Variants in CAMK1D observed in about 807,000 individuals in gnomAD.
CAMK1D encodes the protein calcium/calmodulin dependent protein kinase ID.
CAMK1D carries 9 observed loss-of-function variants against 47.7 expected under a neutral mutation model. That is an observed-to-expected ratio of 0.19 (90% CI 0.11 to 0.33). The LOEUF is 0.33. Ranked by LOEUF, CAMK1D falls within the 10% of genes least tolerant of loss-of-function variation. The probability of loss-of-function intolerance (pLI) is 1.00; values close to 1 mark genes in which losing one functional copy is unlikely to be tolerated. For synonymous variants in CAMK1D, 184 were observed against 184.9 expected (o/e 0.99, Z 0.04); for missense variants, 291 against 488.7 (o/e 0.60, Z 3.81).
intron 1 of CAMK1D, among the ~76,000 whole-genome samples, chr10:12,371,548 C>T (rs1319233226): frequency 2.7e-5 from 4 of 149,380 alleles, no homozygotes; most frequent in Admixed American, 2.7e-4. Flanking sequence ...TGCACTCCAG[C>T]CTGGGTGACA....
intron 2 of CAMK1D, among the ~76,000 whole-genome samples, chr10:12,573,719 T>A (rs962467729): frequency 6.6e-6 from 1 of 151,624 alleles, no homozygotes; most frequent in African/African-American, 2.4e-5. Flanking sequence ...AGTGGCCTGA[T>A]CTGGACTCAC....
At chr10:12,362,387 C>G (rs1442089960) in intron 1 of CAMK1D, among the ~76,000 whole-genome samples, 2 of 152,128 alleles carry the variant, frequency 1.3e-5, no homozygotes, top group Non-Finnish European at 1.5e-5. Context: ...GTTCCAGAAT[C>G]AACCTGCCGC....
intron 2 of CAMK1D, among the ~76,000 whole-genome samples, chr10:12,616,678 C>T (rs1006180457): frequency 1.4e-4 from 21 of 152,104 alleles, no homozygotes; most frequent in African/African-American, 5.1e-4. Flanking sequence ...CCACTAAGCC[C>T]GGCTAATTTT....
chr10:12,391,288 A>G (rs909460891), intron 1 of CAMK1D, among the ~76,000 whole-genome samples: 8 of 152,198 alleles, frequency 5.3e-5, no homozygotes, highest in African/African-American at 1.9e-4. Flanking sequence ...AATTGGAATC[A>G]CTATGTAAAT....
intron 5 of CAMK1D, among the ~76,000 whole-genome samples, chr10:12,778,074 C>T (rs1837341175): frequency 6.6e-6 from 1 of 152,212 alleles, no homozygotes; most frequent in Non-Finnish European, 1.5e-5. Context: ...TGAGGAAAAG[C>T]TTCCATTCCC....
At chr10:12,519,147 C>A (rs866177035) in intron 1 of CAMK1D, among the ~76,000 whole-genome samples, 1 of 81,020 alleles carries the variant, frequency 1.2e-5, no homozygotes, top group Non-Finnish European at 2.6e-5. Flanking sequence ...CCGGACAGGG[C>A]GGCTGGCCAG....
intron 2 of CAMK1D, among the ~76,000 whole-genome samples, chr10:12,572,796 A>G (rs1328678999): frequency 6.6e-6 from 1 of 152,002 alleles, no homozygotes; most frequent in East Asian, 1.9e-4. Context: ...TGCACGACTA[A>G]TTTTAAAATT....
intron 6 of CAMK1D, among the ~76,000 whole-genome samples, chr10:12,801,759 G>A (rs1218271390): frequency 6.6e-6 from 1 of 151,976 alleles, no homozygotes; most frequent in Non-Finnish European, 1.5e-5. Context: ...GTATATCTAT[G>A]TGTGTTTTAT....
chr10:12,536,525 C>T (rs887204260), intron 1 of CAMK1D, among the ~76,000 whole-genome samples: 2 of 152,176 alleles, frequency 1.3e-5, no homozygotes, highest in Non-Finnish European at 2.9e-5. Flanking sequence ...GTGATCCACA[C>T]GTCTCGGCCT....
chr10:12,762,273 G>A (rs1836546345), intron 4 of CAMK1D, among the ~76,000 whole-genome samples: 2 of 152,180 alleles, frequency 1.3e-5, no homozygotes, highest in South Asian at 2.1e-4. Flanking sequence ...TTATAAACAC[G>A]AGGATCATAT....
chr10:12,604,949 G>A (rs187585383), intron 2 of CAMK1D, among the ~76,000 whole-genome samples: 2 of 151,172 alleles, frequency 1.3e-5, no homozygotes, highest in Admixed American at 6.6e-5. Context: ...GTGCAATGGC[G>A]CAATCTCAAC....
chr10:12,722,630 A>G (rs990636024), intron 3 of CAMK1D, among the ~76,000 whole-genome samples: 1 of 152,180 alleles, frequency 6.6e-6, no homozygotes, highest in Non-Finnish European at 1.5e-5. Context: ...TGGGCACACA[A>G]TAGCCATTTG....
intron 2 of CAMK1D, among the ~76,000 whole-genome samples, chr10:12,650,096 A>G (rs1194544748): frequency 3.3e-5 from 5 of 152,204 alleles, no homozygotes; most frequent in Non-Finnish European, 7.3e-5. Context: ...CTTGGTGACA[A>G]AGCCCCTCAC....
intron 3 of CAMK1D, among the ~76,000 whole-genome samples, chr10:12,759,219 C>G (rs1010881077): frequency 4.6e-5 from 7 of 152,124 alleles, no homozygotes; most frequent in Non-Finnish European, 7.3e-5. Flanking sequence ...TGTGGTGGCA[C>G]GTACCTGTGG....
intron 2 of CAMK1D, among the ~76,000 whole-genome samples, chr10:12,587,756 T>C (rs2132353038): frequency 6.6e-6 from 1 of 152,266 alleles, no homozygotes; most frequent in African/African-American, 2.4e-5. Context: ...TAGAAAAATA[T>C]TTTCCCCCTT....
intron 1 of CAMK1D, 139 bp from the exon 2 acceptor site, chr10:12,553,086 A>G (rs1836639483): frequency 6.7e-7 from 1 of 1,493,258 alleles, no homozygotes; most frequent in African/African-American, 1.4e-5. Flanking sequence ...GCAAGGAGCC[A>G]CGGTGGATAA....
chr10:12,513,501 A>T (rs1460838280), intron 1 of CAMK1D, among the ~76,000 whole-genome samples: 1 of 152,034 alleles, frequency 6.6e-6, no homozygotes, highest in Non-Finnish European at 1.5e-5. Context: ...AAAGTACTTA[A>T]TTAGGCCGGG....
intron 1 of CAMK1D, among the ~76,000 whole-genome samples, chr10:12,428,865 G>T (rs139868938): frequency 6.6e-6 from 1 of 152,120 alleles, no homozygotes; most frequent in African/African-American, 2.4e-5. Flanking sequence ...GAGCTGCCTC[G>T]CCACTGTGTC....
intron 2 of CAMK1D, among the ~76,000 whole-genome samples, chr10:12,568,776 T>C (rs1837223751): frequency 6.6e-6 from 1 of 152,160 alleles, no homozygotes; most frequent in Admixed American, 6.5e-5. Flanking sequence ...TCCAGTAGTG[T>C]GGACTTTCTG....
Sources: allele counts gnomAD v4.1 joint callset (sites outside exome capture counted in the v4.1 genomes callset), GRCh38; gene constraint gnomAD v4.1.1; transcripts MANE v1.5; gene names NCBI Gene and HGNC (gene_info 2026-07-23, HGNC 2026-07-21).